Variants in ZNF74 observed in about 807,000 individuals in gnomAD.
The protein encoded by ZNF74 is zinc finger protein 74, also known as zinc finger protein 520.
A neutral mutation model predicts 17.7 loss-of-function variants in ZNF74; 12 were observed. That is an observed-to-expected ratio of 0.68 (90% CI 0.43 to 1.10). ZNF74 has a LOEUF of 1.10. ZNF74 is among the 50% of genes least tolerant of loss of function. ZNF74 has a pLI of 0.00. For missense variants in ZNF74, 811 were observed against 881.0 expected, an observed-to-expected ratio of 0.92 and a Z score of 1.01; for synonymous variants, 358 against 362.1, an observed-to-expected ratio of 0.99 and a Z score of 0.13.
chr22:20,402,826 G>T (rs2052373998), intron 4 of ZNF74, among the ~76,000 whole-genome samples: 1 of 136,982 alleles, frequency 7.3e-6, no homozygotes, highest in Non-Finnish European at 1.6e-5. Context: ...AAAAAAATTA[G>T]CTGGGCGTGG....
rs762706113 is a variant in ZNF74 at position 20,406,350 on chromosome 22, G to A, written c.1317G>A (p.Thr439=). The A allele has an allele frequency of 2.5e-6, 4 of 1,611,978 alleles. No homozygotes were observed. Among genetic ancestry groups the A allele is most frequent in the East Asian group, 2.2e-5 (1 of 44,712 alleles). The change falls in exon 5 of 5, where the codon ACG becomes ACA. Residue 439 remains threonine (T), a synonymous_variant. Transcript: ENST00000400451. ...TCACCCTCCACCAGAGGACGCACAC[G>A]GGCGAGAAGCCCTTCAAGTGCGCCG... is the stretch of plus-strand genomic sequence containing the variant. The part of the protein sequence containing the change: ...SRLTLHQRTH[T]GEKPFKCADC...
chr22:20,399,571 C>CA (rs2052334100), intron 2 of ZNF74: 2 of 341,840 alleles, frequency 5.9e-6, no homozygotes, highest in South Asian at 4.3e-5. Context: ...TTTACATGTC[C>CA]TTTTTTTTTT....
intron 1 of ZNF74, chr22:20,394,963 G>T (rs1017372512): frequency 5.1e-5 from 24 of 467,004 alleles, no homozygotes; most frequent in Middle Eastern, 5.5e-4. Flanking sequence ...GTTTTGCCAT[G>T]TTTCCCAGGC....
At chr22:20,400,113 C>T (rs1345792140) in intron 2 of ZNF74, 1 of 163,014 alleles carries the variant, frequency 6.1e-6, no homozygotes, top group African/African-American at 2.4e-5. Flanking sequence ...TGCAGGTAGC[C>T]TCTCTTAGTC....
Position 20,406,155 on chromosome 22 carries a change from C to A in ZNF74, c.1122C>A (p.His374Gln). The A allele has an allele frequency of 9.9e-6, 16 of 1,612,106 alleles. No homozygotes were observed. Among genetic ancestry groups the A allele is most frequent in the Non-Finnish European group, 1.4e-5 (16 of 1,179,336 alleles). The change falls in exon 5 of 5, where the codon CAC becomes CAA. Residue 374 changes from histidine to glutamine, a missense_variant. Physicochemically the swap from His to Gln is conservative, Grantham distance 24. Transcript: ENST00000400451. The part of the protein sequence containing the change: ...ECGKAFNQRT[H>Q]LTRHHRIHTG... ...GCAAGGCCTTCAACCAGCGTACACACCTCACACGCCACCACCGCATCCACA... is the reference window on the plus strand; with the variant it reads ...GCAAGGCCTTCAACCAGCGTACACAACTCACACGCCACCACCGCATCCACA...
intron 4 of ZNF74, among the ~76,000 whole-genome samples, chr22:20,404,565 C>T (rs1456679443): frequency 6.6e-6 from 1 of 152,122 alleles, no homozygotes; most frequent in East Asian, 1.9e-4. Flanking sequence ...AAGTGATCCG[C>T]CACCTTGACC....
rs2052276260 is a variant in ZNF74 at position 20,394,997 on chromosome 22, C to T, written c.34+335C>T. On this transcript the variant is annotated intron_variant, in intron 1 of 4. Coordinates refer to ENST00000400451, the MANE Select transcript of ZNF74 (RefSeq NM_003426.4). ...GCTGGTCTTAAGCTCAAGCGATCCGCCCGCCTCGGCCTCCCAAAGTGCTGG... is the reference window on the plus strand; with the variant it reads ...GCTGGTCTTAAGCTCAAGCGATCCGTCCGCCTCGGCCTCCCAAAGTGCTGG... The T allele has an allele frequency of 4.6e-5, 20 of 433,924 alleles. 1 individual carries two copies. In the South Asian group the frequency reaches 6.0e-4, roughly 13 times the overall value. 26.9% of individuals were successfully genotyped at this position (433,924 alleles called of 1,614,324 possible).
chr22:20,400,242 T>G, intron 2 of ZNF74: 1 of 192,048 alleles, frequency 5.2e-6, no homozygotes, highest in Non-Finnish European at 1.1e-5. Context: ...GTTGCTGGGA[T>G]TTTTGTACTA....
Position 20,405,829 on chromosome 22 carries a change from C to T in ZNF74, c.796C>T (p.His266Tyr). 1.2e-6 allele frequency: 2 copies of T among 1,613,464 alleles called. No homozygotes were observed. Among genetic ancestry groups the T allele is most frequent in the South Asian group, 1.1e-5 (1 of 91,086 alleles). Reference protein sequence around the residue: ...AFRQSSSLTLHRRWHSREKAY... With the variant: ...AFRQSSSLTLYRRWHSREKAY... ...CCGCCAGAGCTCCTCCCTCACGCTG[C>T]ACCGGCGCTGGCACAGCCGGGAGAA... Residue 266 changes from histidine to tyrosine, a missense_variant, in exon 5 of 5, where the codon CAC becomes TAC. Coordinates refer to ENST00000400451, the MANE Select transcript of ZNF74 (RefSeq NM_003426.4).
chr22:20,405,398 C>T lies in ZNF74; in HGVS notation c.365C>T (p.Pro122Leu). Reference protein sequence around the residue: ...PCPEWELKAVPSQQQGICKEE... With the variant: ...PCPEWELKAVLSQQQGICKEE... ...ACAGAATGGGAGCTGAAGGCGGTGC[C>T]CTCTCAACAGCAGGGCATTTGCAAA... The change falls in exon 5 of 5, where the codon CCC becomes CTC. Residue 122 changes from proline (P) to leucine (L), a missense_variant. By Grantham distance (98) the Pro-to-Leu change is moderately conservative. Coordinates refer to ENST00000400451, the MANE Select transcript of ZNF74 (RefSeq NM_003426.4). 1 of 1,610,568 alleles carries T rather than the reference C, an allele frequency of 6.2e-7. No individual in the cohort carries two copies. Among genetic ancestry groups the T allele is most frequent in the Non-Finnish European group, 8.5e-7 (1 of 1,179,268 alleles).
rs766452058 is a variant in ZNF74 at position 20,406,021 on chromosome 22, C to T, written c.988C>T (p.Arg330Trp). 19 of 1,594,972 alleles carry T rather than the reference C, an allele frequency of 1.2e-5. No homozygotes were observed. The highest frequency in any genetic ancestry group is 2.3e-5 in the East Asian group (1 of 43,618). Residue 330 changes from arginine to tryptophan, a missense_variant, in exon 5 of 5, where the codon CGG becomes TGG. By Grantham distance (101) the Arg-to-Trp change is moderately radical (BLOSUM62 -3). Transcript: ENST00000400451. ...GCACCAGCGCATCCACACGGGCGAGCGGCCCTACAAGTGCAGCGCCTGCGA... is the reference window on the plus strand; with the variant it reads ...GCACCAGCGCATCCACACGGGCGAGTGGCCCTACAAGTGCAGCGCCTGCGA... Reference protein sequence around the residue: ...NVHQRIHTGERPYKCSACEKA... With the variant: ...NVHQRIHTGEWPYKCSACEKA...
intron 2 of ZNF74, among the ~76,000 whole-genome samples, chr22:20,399,142 C>A (rs188151530): frequency 6.6e-6 from 1 of 152,022 alleles, no homozygotes; most frequent in Non-Finnish European, 1.5e-5. Context: ...ATGTATTATG[C>A]CTTTGTTGGT....
At chr22:20,404,011 A>G (rs2052386347) in intron 4 of ZNF74, among the ~76,000 whole-genome samples, 3 of 152,124 alleles carry the variant, frequency 2.0e-5, no homozygotes, top group Non-Finnish European at 4.4e-5. Flanking sequence ...CATGTGTGCC[A>G]TGGCCAGTTC....
intron 2 of ZNF74, 93 bp from the exon 3 acceptor site, chr22:20,400,539 C>T (rs1198037554): frequency 6.6e-7 from 1 of 1,516,968 alleles, no homozygotes; most frequent in Non-Finnish European, 9.1e-7. Flanking sequence ...CTGAGGTTAA[C>T]CCTTTACTTG....
intron 3 of ZNF74, 155 bp downstream of exon 3, chr22:20,400,913 C>T: frequency 1.1e-6 from 1 of 884,614 alleles, no homozygotes; most frequent in East Asian, 2.5e-5. Flanking sequence ...GGCCAGGGGC[C>T]TCGGCCACGC....
chr22:20,395,353 G>A lies in ZNF74; in HGVS notation c.55G>A (p.Ala19Thr), dbSNP rs370836146. 4.4e-6 allele frequency: 7 copies of A among 1,603,096 alleles called. No individual in the cohort carries two copies. In the East Asian group the frequency reaches 6.7e-5, roughly 15 times the overall value. ...GCCAGCTCTTTCCTCTCAGGATCCT[G>A]CTCTTTCCCTGAAAGAGAATCTCGA... ...EKTALSSQDP[A>T]LSLKENLEDI... is the part of the protein sequence containing the mutation. The change falls in exon 2 of 5, where the codon GCT (alanine) becomes ACT (threonine). Residue 19 changes from alanine (A) to threonine (T), a missense_variant. Ala to Thr is a moderately conservative substitution (Grantham distance 58). This residue lies in a region of ZNF74 where 666 missense variants were observed against 702.3 expected (regional missense o/e 0.95). Transcript: ENST00000400451.
Position 20,400,670 on chromosome 22 carries a change from C to T in ZNF74, c.159C>T (p.Thr53=), listed in dbSNP as rs1214052307. The part of the protein sequence containing the change: ...VSFKDVAVDF[T]QEEWGQLDSP... ...TCAAGGATGTGGCTGTGGACTTCAC[C>T]CAGGAGGAGTGGGGTCAACTAGACT... is the stretch of plus-strand genomic sequence containing the variant. Residue 53 remains threonine, a synonymous_variant, in exon 3 of 5, where the codon ACC becomes ACT. Transcript: ENST00000400451. The T allele has an allele frequency of 1.2e-6, 2 of 1,614,060 alleles. No individual in the cohort carries two copies. The highest frequency in any genetic ancestry group is 1.7e-6 in the Non-Finnish European group (2 of 1,179,986).
chr22:20,398,043 G>A (rs568897988), intron 2 of ZNF74, among the ~76,000 whole-genome samples: 1 of 152,204 alleles, frequency 6.6e-6, no homozygotes, highest in Non-Finnish European at 1.5e-5. Context: ...TCCAGGCCGG[G>A]TGCAGTGGCT....
chr22:20,406,850 G>T lies in ZNF74; in HGVS notation c.1817G>T (p.Gly606Val). 3 of 1,614,082 alleles carry T rather than the reference G, an allele frequency of 1.9e-6. No individual in the cohort carries two copies. Among genetic ancestry groups the T allele is most frequent in the Non-Finnish European group, 2.5e-6 (3 of 1,180,042 alleles). Reference sequence around the variant, plus strand: ...GTGCCTGGCAGCCTGCTGGGTGCAGGGGATGCTGGACTGAGGGACGTGGAT... The same window carrying T: ...GTGCCTGGCAGCCTGCTGGGTGCAGTGGATGCTGGACTGAGGGACGTGGAT... ...YYVPGSLLGA[G>V]DAGLRDVDPI... The change falls in exon 5 of 5, where the codon GGG (glycine) becomes GTG (valine). Residue 606 changes from glycine (G) to valine (V), a missense_variant. Around this residue, in one of 3 missense-constraint regions of ZNF74, gnomAD observed 115 missense variants for 119.5 expected, o/e 0.96. Coordinates refer to ENST00000400451, the MANE Select transcript of ZNF74 (RefSeq NM_003426.4).
Sources: allele counts gnomAD v4.1 joint callset (sites outside exome capture counted in the v4.1 genomes callset), GRCh38; gene constraint gnomAD v4.1.1; regional missense constraint gnomAD v4.1.1; transcripts MANE v1.5; gene names NCBI Gene and HGNC (gene_info 2026-07-23, HGNC 2026-07-21).